Variants in LARS1 observed in about 807,000 individuals in gnomAD.
The protein encoded by LARS1 is leucine--tRNA ligase, cytoplasmic.
LARS1 carries 100 observed loss-of-function variants against 162.8 expected under a neutral mutation model. That is an observed-to-expected ratio of 0.61 (90% CI 0.52 to 0.73). The LOEUF (loss-of-function observed/expected upper bound fraction) is 0.73, where lower values mean the gene tolerates loss of function less well. Among genes scored for constraint, LARS1 ranks in the 30% least tolerant of loss-of-function variants. The pLI, the probability that LARS1 is intolerant of heterozygous loss-of-function variation, is 0.00. For missense variants in LARS1, 1,258 were observed against 1,408.9 expected (o/e 0.89, Z 1.71); for synonymous variants, 457 against 462.8 (o/e 0.99, Z 0.16).
In LARS1 at chr5:146,160,380, C is replaced by T; in HGVS notation, c.701G>A (p.Gly234Glu). Reference sequence around the variant, plus strand: ...TCAAGTATAACAAACTTACCGCTTCCCAAATTTAATTTTGTTTCTTTCTCT... The same window carrying T: ...TCAAGTATAACAAACTTACCGCTTCTCAAATTTAATTTTGTTTCTTTCTCT... ...TLRERNKIKF[G>E]KRYTIYSPKD... is the part of the protein sequence containing the mutation. Residue 234 changes from glycine (G) to glutamate (E), a missense_variant, in exon 7 of 32, where the codon GGG becomes GAG. By Grantham distance (98) the Gly-to-Glu change is moderately conservative. Transcript: ENST00000394434. The T allele has an allele frequency of 6.5e-7, 1 of 1,540,226 alleles. No homozygotes were observed.
rs1019346413 is a variant in LARS1, at chr5:146,151,927, G to A, written c.1360C>T (p.Gln454Ter). The A allele has an allele frequency of 5.0e-6, 8 of 1,613,886 alleles. No homozygotes were observed. Among genetic ancestry groups the A allele is most frequent in the Non-Finnish European group, 6.8e-6 (8 of 1,179,946 alleles). ...TICDELKIQS[Q>*]NDREKLAEAK... ...TCTGCAAGTTTTTCCCGGTCATTCT[G>A]GCTCTGAATTTTCAACTCATCACAA... is the stretch of plus-strand genomic sequence containing the variant. Residue 454 changes from glutamine (Q) to a stop codon, truncating the protein, a stop_gained, in exon 14 of 32, where the codon CAG becomes TAG. Transcript: ENST00000394434. LOFTEE classifies it high-confidence loss of function.
intron 9 of LARS1, 49 bp downstream of exon 9, chr5:146,157,679 A>T: frequency 6.2e-7 from 1 of 1,611,932 alleles, no homozygotes; most frequent in African/African-American, 1.3e-5. Flanking sequence ...CTCTGTAACA[A>T]CTATCTGATG....
chr5:146,143,243 A>AT, intron 19 of LARS1, 159 bp from the exon 20 acceptor site: 2 of 887,598 alleles, frequency 2.3e-6, no homozygotes, highest in South Asian at 4.3e-5. Flanking sequence ...AGAATAGATG[A>AT]TGACAGTAAG....
chr5:146,177,243 G>C (rs188390262), intron 2 of LARS1, among the ~76,000 whole-genome samples: 1 of 151,986 alleles, frequency 6.6e-6, no homozygotes, highest in Non-Finnish European at 1.5e-5. Context: ...GAGGCGGGTG[G>C]ATCACGAGGT....
At chr5:146,127,662 A>G (rs1752101178) in intron 27 of LARS1, among the ~76,000 whole-genome samples, 1 of 152,084 alleles carries the variant, frequency 6.6e-6, no homozygotes, top group Admixed American at 6.6e-5. Flanking sequence ...TGCCAACCAA[A>G]GTAGCTTTTA....
intron 15 of LARS1, among the ~76,000 whole-genome samples, chr5:146,147,482 A>G (rs1753063519): frequency 6.6e-6 from 1 of 152,046 alleles, no homozygotes; most frequent in Non-Finnish European, 1.5e-5. Context: ...AATCCGGGTG[A>G]TAGGTATTAC....
At position 146,174,582 on chromosome 5, in the gene LARS1, A is replaced by G. The variant is rs1479115956; in HGVS notation, c.126-1808T>C. Among the ~76,000 whole-genome samples, 23 of 20,138 alleles carry G rather than the reference A, an allele frequency of 1.1e-3. 1 individual carries two copies. Among genetic ancestry groups the G allele is most frequent in the African/African-American group, 1.9e-3 (21 of 10,832 alleles). The allele number at this position is 20,138 out of a possible 152,430, so 13.2% of individuals were successfully genotyped here. On this transcript the variant is annotated intron_variant, in intron 2 of 31. Transcript: ENST00000394434. ...TATATATATATATCCATATATGTAT[A>G]TATCCATATATATATATATATATAT...
Position 146,143,407 on chromosome 5 carries a change from C to A in LARS1, c.1877+5G>T. Reference sequence around the variant, plus strand: ...TATGCTCCTTTCCCTTATCTGTTTACCAACCTAATGCCCAGCGGAGACTCT... The same window carrying A: ...TATGCTCCTTTCCCTTATCTGTTTAACAACCTAATGCCCAGCGGAGACTCT... On this transcript the variant is annotated splice_donor_5th_base_variant and intron_variant, in intron 19 of 31. Coordinates refer to ENST00000394434, the MANE Select transcript of LARS1 (RefSeq NM_020117.11). 2 of 1,609,250 alleles carry A rather than the reference C, an allele frequency of 1.2e-6. No individual in the cohort carries two copies. Among genetic ancestry groups the A allele is most frequent in the South Asian group, 2.2e-5 (2 of 90,352 alleles).
rs186887196 is a variant in LARS1 at position 146,136,400 on chromosome 5, G to A, written c.2149-736C>T. On this transcript the variant is annotated intron_variant, in intron 21 of 31. Coordinates refer to ENST00000394434, the MANE Select transcript of LARS1 (RefSeq NM_020117.11). ...GAAGAAATGAGTTCAATAATCAAAG[G>A]TTCCTTATTGAGCTAACAAAATCTA... 4.1e-4 allele frequency among the ~76,000 whole-genome samples: 62 copies of A among 151,854 alleles called. 1 individual carries two copies. In the East Asian group the frequency reaches 0.011, roughly 26 times the overall value.
chr5:146,168,086 A>ATATAAAACT, intron 5 of LARS1, 42 bp downstream of exon 5: 1 of 1,528,934 alleles, frequency 6.5e-7, no homozygotes, highest in Non-Finnish European at 9.0e-7. Context: ...AATCAGAAAA[A>ATATAAAACT]TATAAAACTT....
chr5:146,160,474 G>A lies in LARS1; in HGVS notation c.607C>T (p.Arg203Cys), dbSNP rs1171567383. The A allele has an allele frequency of 6.5e-6, 10 of 1,539,654 alleles. No individual in the cohort carries two copies. Among genetic ancestry groups the A allele is most frequent in the Non-Finnish European group, 8.7e-6 (10 of 1,146,550 alleles). Residue 203 changes from arginine (R) to cysteine (C), a missense_variant, in exon 7 of 32, where the codon CGT (arginine) becomes TGT (cysteine). By Grantham distance (180) the Arg-to-Cys change is radical. Transcript: ENST00000394434. ...KRMGLKVDWR[R>C]SFITTDVNPY... ...TTAACATCAGTGGTGATGAAGGAAC[G>A]ACGCCAGTCTACCTATAAAAGGAAA...
intron 21 of LARS1, 54 bp downstream of exon 21, chr5:146,140,150 A>T: frequency 1.4e-6 from 2 of 1,391,984 alleles, no homozygotes; most frequent in Non-Finnish European, 2.0e-6. Flanking sequence ...CAACAACCTA[A>T]ATCTGAAAAG....
At chr5:146,173,448 T>C (rs111673818) in intron 2 of LARS1, among the ~76,000 whole-genome samples, 1 of 151,882 alleles carries the variant, frequency 6.6e-6, no homozygotes, top group African/African-American at 2.4e-5. Context: ...TAGATATATA[T>C]ATAAAGCAAT....
Position 146,146,694 on chromosome 5 carries a change from A to G in LARS1, c.1504-1985T>C, listed in dbSNP as rs540172912. Among the ~76,000 whole-genome samples, 6 of 148,814 alleles carry G rather than the reference A, an allele frequency of 4.0e-5. No homozygotes were observed. In the East Asian group the frequency reaches 1.2e-3, roughly 29 times the overall value. On this transcript the variant is annotated intron_variant, in intron 15 of 31. Transcript: ENST00000394434. Reference sequence around the variant, plus strand: ...CATTCCTAGCTATCTTCTCCCATCCAACTTCCAAAATGCTCAGTTGCTTAG... The same window carrying G: ...CATTCCTAGCTATCTTCTCCCATCCGACTTCCAAAATGCTCAGTTGCTTAG...
intron 2 of LARS1, among the ~76,000 whole-genome samples, chr5:146,173,782 C>T (rs924017433): frequency 9.2e-5 from 14 of 152,070 alleles, no homozygotes; most frequent in African/African-American, 2.7e-4. Flanking sequence ...AAGAGATAAC[C>T]GACATTCTGA....
chr5:146,118,889 T>TA (rs1751688389), intron 31 of LARS1, among the ~76,000 whole-genome samples: 1 of 152,120 alleles, frequency 6.6e-6, no homozygotes, highest in African/African-American at 2.4e-5. Flanking sequence ...TTACCACAAT[T>TA]AAAAAATACA....
chr5:146,160,745 T>C (rs544829961), intron 6 of LARS1, among the ~76,000 whole-genome samples: 1 of 152,298 alleles, frequency 6.6e-6, no homozygotes, highest in South Asian at 2.1e-4. Context: ...AATCCTACCT[T>C]TATGTATTCC....
At chr5:146,155,282 G>A (rs1037536790) in intron 10 of LARS1, among the ~76,000 whole-genome samples, 33 of 152,130 alleles carry the variant, frequency 2.2e-4, no homozygotes, top group African/African-American at 7.7e-4. Context: ...GCCACAAAAT[G>A]TTCATGTAAC....
intron 20 of LARS1, among the ~76,000 whole-genome samples, chr5:146,140,826 CACACACATATAAATAT>C (rs1752741416): frequency 6.6e-6 from 1 of 152,098 alleles, no homozygotes. Context: ...TATATACACA[CACACACATATAAATAT>C]ACACACATAT....
Sources: gnomAD v4.1 joint callset for allele counts (sites outside exome capture counted in the v4.1 genomes callset) on GRCh38, gnomAD v4.1.1 for gene constraint, MANE v1.5 for transcripts, NCBI Gene and HGNC (gene_info 2026-07-23, HGNC 2026-07-21) for gene names.